Variants in AFG1L observed in about 807,000 individuals in gnomAD.
AFG1L encodes the protein AFG1 like ATPase.
A neutral mutation model predicts 62.2 loss-of-function variants in AFG1L; 53 were observed. That is an observed-to-expected ratio of 0.85 (90% CI 0.68 to 1.07). The LOEUF is 1.07. Among genes scored for constraint, AFG1L ranks in the 50% least tolerant of loss-of-function variants. The probability of loss-of-function intolerance (pLI) is 0.00; values close to 1 mark genes in which losing one functional copy is unlikely to be tolerated. For synonymous variants in AFG1L, 228 were observed against 210.3 expected (o/e 1.08, Z -0.73); for missense variants, 555 against 590.5 (o/e 0.94, Z 0.62).
At chr6:108,381,277 A>G (rs567680260) in intron 6 of AFG1L, among the ~76,000 whole-genome samples, 2 of 152,342 alleles carry the variant, frequency 1.3e-5, no homozygotes, top group South Asian at 4.1e-4. Context: ...GCTTCAAGTA[A>G]ATTATTCATT....
Position 108,522,455 on chromosome 6 carries a change from AC to A in AFG1L, c.*31del. 1 of 1,592,430 alleles carries A rather than the reference AC, an allele frequency of 6.3e-7. No homozygotes were observed. The highest frequency in any genetic ancestry group is 8.6e-7 in the Non-Finnish European group (1 of 1,164,082). ...CACTTTTGCATAAATAAAACTCTAGACAAATGGTTAACGCAGGCAGAACTCC... is the reference window on the plus strand; with the variant it reads ...CACTTTTGCATAAATAAAACTCTAGAAAATGGTTAACGCAGGCAGAACTCC... On this transcript the variant is annotated 3_prime_UTR_variant, in exon 13 of 13. Coordinates refer to ENST00000368977, the MANE Select transcript of AFG1L (RefSeq NM_145315.5).
At chr6:108,406,056 A>G (rs201773726) in intron 7 of AFG1L, among the ~76,000 whole-genome samples, 1 of 152,184 alleles carries the variant, frequency 6.6e-6, no homozygotes, top group Non-Finnish European at 1.5e-5. Flanking sequence ...GGTTGTTTCT[A>G]CCTTTCAGCT....
chr6:108,373,384 G>C (rs1211038810), intron 6 of AFG1L, among the ~76,000 whole-genome samples: 1 of 152,082 alleles, frequency 6.6e-6, no homozygotes, highest in Non-Finnish European at 1.5e-5. Context: ...TCTTTTTATG[G>C]CTGTGTAGTA....
chr6:108,362,741 C>T (rs1779595857), intron 5 of AFG1L, among the ~76,000 whole-genome samples: 1 of 152,152 alleles, frequency 6.6e-6, no homozygotes, highest in South Asian at 2.1e-4. Flanking sequence ...CTCTTGTTTA[C>T]CAGTAACAGC....
intron 5 of AFG1L, 31 bp from the exon 6 acceptor site, chr6:108,366,202 T>C: frequency 7.2e-7 from 1 of 1,391,566 alleles, no homozygotes; most frequent in East Asian, 2.3e-5. Flanking sequence ...GAAGTGAAAT[T>C]AAAATAAAAC....
At chr6:108,366,153 T>TAA in intron 5 of AFG1L, 80 bp from the exon 6 acceptor site, 2 of 747,498 alleles carry the variant, frequency 2.7e-6, no homozygotes, top group Non-Finnish European at 4.4e-6. Flanking sequence ...ACTTCCATCT[T>TAA]AAAAAAAAAG....
At position 108,405,924 on chromosome 6, in the gene AFG1L, C is replaced by T. The variant is rs1298482667; in HGVS notation, c.807+3870C>T. Among the ~76,000 whole-genome samples, 4 of 152,210 alleles carry T rather than the reference C, an allele frequency of 2.6e-5. No individual in the cohort carries two copies. In the South Asian group the frequency reaches 6.2e-4, roughly 24 times the overall value. On this transcript the variant is annotated intron_variant, in intron 7 of 12. Transcript: ENST00000368977. The stretch of plus-strand genomic sequence containing the variant: ...TGGCTTATTTCACTTAGCACATTGT[C>T]TCCAAAGTTTATGCATGTTGTAACA...
At chr6:108,381,579 GA>G (rs1007679956) in intron 6 of AFG1L, among the ~76,000 whole-genome samples, 1,695 of 144,296 alleles carry the variant, frequency 0.012, 34 homozygotes, top group African/African-American at 0.039. Flanking sequence ...CTTGTCTCTG[GA>G]AAAAAAAAAA....
intron 8 of AFG1L, among the ~76,000 whole-genome samples, chr6:108,463,953 G>A (rs554015028): frequency 2.0e-5 from 3 of 152,308 alleles, no homozygotes; most frequent in Non-Finnish European, 1.5e-5. Flanking sequence ...TGAATGCGCA[G>A]GCAATCAGTA....
chr6:108,316,690 G>A (rs895682136), intron 1 of AFG1L, among the ~76,000 whole-genome samples: 14 of 151,444 alleles, frequency 9.2e-5, no homozygotes, highest in Admixed American at 9.2e-4. Context: ...CTGCCACCAC[G>A]CCTGGCTAAT....
chr6:108,328,325 A>T (rs143984239), intron 2 of AFG1L, among the ~76,000 whole-genome samples: 81 of 152,272 alleles, frequency 5.3e-4, no homozygotes, highest in African/African-American at 1.9e-3. Context: ...GTTATCTGAG[A>T]CTTGAATTGC....
At chr6:108,463,692 A>G (rs753057158) in intron 8 of AFG1L, among the ~76,000 whole-genome samples, 1 of 152,146 alleles carries the variant, frequency 6.6e-6, no homozygotes, top group Non-Finnish European at 1.5e-5. Flanking sequence ...TCTCCAGGTG[A>G]TTGAGAAGGG....
At chr6:108,297,903 C>G (rs1439324660) in intron 1 of AFG1L, among the ~76,000 whole-genome samples, 1 of 148,870 alleles carries the variant, frequency 6.7e-6, no homozygotes, top group African/African-American at 2.5e-5. Context: ...AACCTGAGTT[C>G]TAGCCCTTGA....
At chr6:108,364,014 A>G (rs1303464018) in intron 5 of AFG1L, among the ~76,000 whole-genome samples, 1 of 152,094 alleles carries the variant, frequency 6.6e-6, no homozygotes, top group African/African-American at 2.4e-5. Context: ...ATGGAAAGCA[A>G]CTCTAGGTTA....
chr6:108,356,118 T>C (rs1779277418), intron 4 of AFG1L, among the ~76,000 whole-genome samples: 1 of 152,252 alleles, frequency 6.6e-6, no homozygotes, highest in Non-Finnish European at 1.5e-5. Flanking sequence ...TGAGTACGCA[T>C]GTAAGCTTTA....
At chr6:108,295,693 G>A (rs1204166988) in intron 1 of AFG1L, 1 of 153,456 alleles carries the variant, frequency 6.5e-6, no homozygotes. Flanking sequence ...ATCGATTCTT[G>A]GTGTTCTTTT....
intron 8 of AFG1L, among the ~76,000 whole-genome samples, chr6:108,464,895 A>G (rs1483074144): frequency 6.6e-6 from 1 of 152,150 alleles, no homozygotes; most frequent in Non-Finnish European, 1.5e-5. Flanking sequence ...TCTTGTTTGC[A>G]TTGTCTGCAC....
rs145633096 is a variant in AFG1L, at chr6:108,419,468, A to T, written c.807+17414A>T. Among the ~76,000 whole-genome samples, 295 of 152,322 alleles carry T rather than the reference A, an allele frequency of 1.9e-3. 2 individuals carry two copies. Among genetic ancestry groups the T allele is most frequent in the African/African-American group, 6.4e-3 (265 of 41,590 alleles). On this transcript the variant is annotated intron_variant, in intron 7 of 12. Transcript: ENST00000368977. Reference sequence around the variant, plus strand: ...CTCTTGATGAATTTCAGATGGTTCGATTAGAGAAAAATAATTCCAGCATTA... The same window carrying T: ...CTCTTGATGAATTTCAGATGGTTCGTTTAGAGAAAAATAATTCCAGCATTA...
chr6:108,401,163 T>TC (rs1781588876), intron 6 of AFG1L, among the ~76,000 whole-genome samples: 1 of 134,864 alleles, frequency 7.4e-6, no homozygotes, highest in Non-Finnish European at 1.6e-5. Context: ...TGAGACGGAG[T>TC]CTCGCTCTGT....
Sources: gnomAD v4.1 joint callset for allele counts (sites outside exome capture counted in the v4.1 genomes callset) on GRCh38, gnomAD v4.1.1 for gene constraint, MANE v1.5 for transcripts, NCBI Gene and HGNC (gene_info 2026-07-23, HGNC 2026-07-21) for gene names.